RANBP17: variants seen among roughly 807,000 people sequenced by gnomAD.
RANBP17 encodes RAN binding protein 17.
A neutral mutation model predicts 141.2 loss-of-function variants in RANBP17; 158 were observed. The observed-to-expected ratio is 1.12, with a 90% CI of 0.98 to 1.28. The LOEUF is 1.28. Among genes scored for constraint, RANBP17 ranks in the 50% most tolerant of loss-of-function variants. The pLI is 0.00. For missense variants in RANBP17, 1,438 were observed against 1,290.7 expected (o/e 1.11, Z -1.75); for synonymous variants, 430 against 450.0 (o/e 0.96, Z 0.56).
chr5:171,153,084 T>C (rs1304064096), intron 14 of RANBP17, among the ~76,000 whole-genome samples: 2 of 152,240 alleles, frequency 1.3e-5, no homozygotes, highest in Non-Finnish European at 1.5e-5. Flanking sequence ...ACATATCTTG[T>C]ATCTGTCATA....
chr5:171,172,454 G>A (rs192733325), intron 16 of RANBP17, among the ~76,000 whole-genome samples: 174 of 151,014 alleles, frequency 1.2e-3, no homozygotes, highest in African/African-American at 4.0e-3. Flanking sequence ...CCTTTTTACT[G>A]GAAAGTGATG....
At chr5:170,920,844 G>A (rs544585138) in intron 11 of RANBP17, among the ~76,000 whole-genome samples, 4 of 152,260 alleles carry the variant, frequency 2.6e-5, no homozygotes, top group African/African-American at 9.6e-5. Context: ...TCTCTGACCA[G>A]TGATGATGAG....
rs185335546 is a variant in RANBP17 at position 171,290,757 on chromosome 5, T to C, written c.2944-3126T>C. 2.6e-3 allele frequency among the ~76,000 whole-genome samples: 389 copies of C among 152,316 alleles called. 3 individuals carry two copies. Among genetic ancestry groups the C allele is most frequent in the African/African-American group, 7.9e-3 (330 of 41,576 alleles). On this transcript the variant is annotated intron_variant, in intron 25 of 27. Coordinates refer to ENST00000523189, the MANE Select transcript of RANBP17 (RefSeq NM_022897.5). ...TAGTTGTGAAGAGACTATAATCTCA[T>C]TTATCTGTATCTAATCAGGACATGA...
chr5:170,997,923 T>C (rs1778929139), intron 14 of RANBP17, among the ~76,000 whole-genome samples: 1 of 152,084 alleles, frequency 6.6e-6, no homozygotes, highest in South Asian at 2.1e-4. Flanking sequence ...TCCAGTATTA[T>C]TTCTTATAAA....
chr5:171,281,846 G>C (rs1221748775), intron 25 of RANBP17, among the ~76,000 whole-genome samples: 1 of 152,214 alleles, frequency 6.6e-6, no homozygotes, highest in Non-Finnish European at 1.5e-5. Context: ...GGCTTAGCCT[G>C]TTTTGGAGAC....
intron 23 of RANBP17, among the ~76,000 whole-genome samples, chr5:171,242,355 A>G (rs1006190972): frequency 2.0e-5 from 3 of 152,214 alleles, no homozygotes; most frequent in Non-Finnish European, 2.9e-5. Context: ...AACCAACAAA[A>G]AAAAGGTTTC....
At chr5:170,864,279 G>A (rs530461552) in intron 1 of RANBP17, among the ~76,000 whole-genome samples, 1 of 152,320 alleles carries the variant, frequency 6.6e-6, no homozygotes, top group South Asian at 2.1e-4. Context: ...AAGATGATGA[G>A]TAAAGAAGCA....
chr5:171,277,938 C>CTTTTTTTTTTTTTTTTTTTTTTT lies in RANBP17; in HGVS notation c.2943+12100_2943+12122dup, dbSNP rs140208253. 5.5e-5 allele frequency among the ~76,000 whole-genome samples: 4 copies of CTTTTTTTTTTTTTTTTTTTTTTT among 72,266 alleles called. 1 individual carries two copies. The highest frequency in any genetic ancestry group is 9.4e-5 in the Non-Finnish European group (4 of 42,672). The allele number at this position is 72,266 out of a possible 152,430, so 47.4% of individuals were successfully genotyped here. ...CAGTCCTTGAGCCTAGGACTTCTTT[C>CTTTTTTTTTTTTTTTTTTTTTTT]TTTTTTTTTTTTTTTTTTTTTTTTT... is the stretch of plus-strand genomic sequence containing the variant. On this transcript the variant is annotated intron_variant, in intron 25 of 27. Coordinates refer to ENST00000523189, the MANE Select transcript of RANBP17 (RefSeq NM_022897.5).
At position 170,985,325 on chromosome 5, in the gene RANBP17, G is replaced by A. The variant is rs145083526; in HGVS notation, c.1710+16948G>A. Among the ~76,000 whole-genome samples, 139 of 152,156 alleles carry A rather than the reference G, an allele frequency of 9.1e-4. 3 individuals carry two copies. The East Asian group carries it at 0.021, about 23-fold the overall frequency. ...TGAAATTCCAAAAATTAATAAATAC[G>A]TGTTGTTAAGGTCCTGGAATGTATT... On this transcript the variant is annotated intron_variant, in intron 14 of 27. Transcript: ENST00000523189.
chr5:170,885,028 T>G (rs1381830664), intron 3 of RANBP17, among the ~76,000 whole-genome samples: 1 of 152,154 alleles, frequency 6.6e-6, no homozygotes, highest in Non-Finnish European at 1.5e-5. Context: ...GAGTAATGTC[T>G]GACAGGCTTA....
chr5:170,874,750 C>T (rs1287191094), intron 1 of RANBP17, among the ~76,000 whole-genome samples: 1 of 151,964 alleles, frequency 6.6e-6, no homozygotes, highest in Non-Finnish European at 1.5e-5. Context: ...CTCTTGAATA[C>T]AGTACACTGA....
intron 5 of RANBP17, among the ~76,000 whole-genome samples, chr5:170,904,933 A>T (rs373986058): frequency 1.3e-5 from 2 of 152,158 alleles, no homozygotes; most frequent in African/African-American, 4.8e-5. Flanking sequence ...TTTTATTCCA[A>T]CCGTTAAGGA....
intron 13 of RANBP17, among the ~76,000 whole-genome samples, chr5:170,967,696 A>T (rs181421322): frequency 6.6e-6 from 1 of 151,768 alleles, no homozygotes; most frequent in Non-Finnish European, 1.5e-5. Flanking sequence ...TTGATTTTGT[A>T]AAGATCACCT....
At chr5:171,239,177 T>C (rs190330135) in intron 22 of RANBP17, among the ~76,000 whole-genome samples, 5 of 152,324 alleles carry the variant, frequency 3.3e-5, no homozygotes, top group Admixed American at 6.5e-5. Flanking sequence ...TTACCAGATA[T>C]GCTTCAGCCT....
At chr5:171,233,034 G>T (rs1311572246) in intron 22 of RANBP17, among the ~76,000 whole-genome samples, 1 of 152,024 alleles carries the variant, frequency 6.6e-6, no homozygotes. Flanking sequence ...AACCAAAAAA[G>T]AAATTAACTA....
chr5:171,057,780 C>T (rs906224052), intron 14 of RANBP17, among the ~76,000 whole-genome samples: 1 of 152,018 alleles, frequency 6.6e-6, no homozygotes, highest in African/African-American at 2.4e-5. Context: ...GGAGTGCAAG[C>T]AGGGGTAATG....
At chr5:171,223,275 T>C (rs1242220491) in intron 22 of RANBP17, among the ~76,000 whole-genome samples, 1 of 152,214 alleles carries the variant, frequency 6.6e-6, no homozygotes, top group Non-Finnish European at 1.5e-5. Flanking sequence ...TCTCTTATTT[T>C]CATCTGTACC....
chr5:170,892,168 A>C (rs1274770741), intron 3 of RANBP17, among the ~76,000 whole-genome samples: 2 of 144,828 alleles, frequency 1.4e-5, no homozygotes, highest in Non-Finnish European at 3.0e-5. Flanking sequence ...TCTGGGATAC[A>C]TGTGCTGAAC....
chr5:170,995,917 T>C (rs989808171), intron 14 of RANBP17, among the ~76,000 whole-genome samples: 1 of 152,106 alleles, frequency 6.6e-6, no homozygotes, highest in African/African-American at 2.4e-5. Context: ...TTCCAGATAC[T>C]TGGGGAACTG....
Sources: gnomAD v4.1 joint callset for allele counts (sites outside exome capture counted in the v4.1 genomes callset) on GRCh38, gnomAD v4.1.1 for gene constraint, MANE v1.5 for transcripts, NCBI Gene and HGNC (gene_info 2026-07-23, HGNC 2026-07-21) for gene names.